The following ZNF385D variants were observed in gnomAD, a reference collection of about 807,000 sequenced individuals.
ZNF385D encodes zinc finger protein 659.
A neutral mutation model predicts 35.8 loss-of-function variants in ZNF385D; 15 were observed. The observed-to-expected ratio is 0.42, with a 90% CI of 0.28 to 0.64. The LOEUF (loss-of-function observed/expected upper bound fraction) is 0.64. Among genes scored for constraint, ZNF385D ranks in the 30% least tolerant of loss-of-function variants. The probability of loss-of-function intolerance (pLI) is 0.23; values close to 1 mark genes in which losing one functional copy is unlikely to be tolerated. For missense variants in ZNF385D, 474 were observed against 494.6 expected, an observed-to-expected ratio of 0.96 and a Z score of 0.39; for synonymous variants, 212 against 186.8, an observed-to-expected ratio of 1.13 and a Z score of -1.10.
intron 2 of ZNF385D, among the ~76,000 whole-genome samples, chr3:22,260,386 T>C (rs1316864731): frequency 1.3e-5 from 2 of 151,724 alleles, no homozygotes; most frequent in Non-Finnish European, 2.9e-5. Flanking sequence ...TTAGGACAAA[T>C]ACCTAATGCA....
At chr3:21,942,931 A>C (rs1280102542) in intron 3 of ZNF385D, among the ~76,000 whole-genome samples, 1 of 152,186 alleles carries the variant, frequency 6.6e-6, no homozygotes, top group African/African-American at 2.4e-5. Flanking sequence ...GTTATCACTT[A>C]TTTTGCCTTG....
intron 2 of ZNF385D, among the ~76,000 whole-genome samples, chr3:21,617,082 C>T (rs940137309): frequency 5.9e-5 from 9 of 152,252 alleles, no homozygotes; most frequent in Non-Finnish European, 1.0e-4. Flanking sequence ...TCCTCTCTGT[C>T]CTTGAAACCT....
At chr3:22,321,031 G>A (rs1027235693) in intron 2 of ZNF385D, among the ~76,000 whole-genome samples, 5 of 151,860 alleles carry the variant, frequency 3.3e-5, no homozygotes, top group African/African-American at 1.2e-4. Context: ...TATATGATTT[G>A]ATACATGCAA....
At chr3:22,209,316 A>T (rs1386877474) in intron 2 of ZNF385D, among the ~76,000 whole-genome samples, 2 of 151,878 alleles carry the variant, frequency 1.3e-5, no homozygotes, top group African/African-American at 4.8e-5. Flanking sequence ...ATAAGCTGTT[A>T]AAATAAACTT....
chr3:22,187,442 C>T (rs1302467976), intron 2 of ZNF385D, among the ~76,000 whole-genome samples: 1 of 151,868 alleles, frequency 6.6e-6, no homozygotes, highest in Non-Finnish European at 1.5e-5. Context: ...TGAAAACTTT[C>T]CTATGGTGAC....
chr3:22,003,817 A>C (rs964921031), intron 3 of ZNF385D, among the ~76,000 whole-genome samples: 3 of 152,044 alleles, frequency 2.0e-5, no homozygotes, highest in Non-Finnish European at 2.9e-5. Flanking sequence ...CAGTGAGCCA[A>C]GATTGCACCA....
At chr3:21,928,018 G>C (rs573545818) in intron 3 of ZNF385D, among the ~76,000 whole-genome samples, 4 of 152,186 alleles carry the variant, frequency 2.6e-5, no homozygotes, top group South Asian at 2.1e-4. Context: ...GAGCACAGGA[G>C]ATCAAGACCA....
At chr3:21,948,112 C>A in intron 3 of ZNF385D, among the ~76,000 whole-genome samples, 1 of 152,136 alleles carries the variant, frequency 6.6e-6, no homozygotes, top group East Asian at 1.9e-4. Context: ...CAATATCACA[C>A]TAATATAATT....
intron 4 of ZNF385D, among the ~76,000 whole-genome samples, chr3:21,470,641 G>A (rs181014161): frequency 1.2e-4 from 19 of 152,174 alleles, no homozygotes; most frequent in East Asian, 7.7e-4. Context: ...TTTTCCCAGC[G>A]TTTAGTCAGG....
At chr3:22,213,834 A>G (rs923808018) in intron 2 of ZNF385D, among the ~76,000 whole-genome samples, 1 of 152,094 alleles carries the variant, frequency 6.6e-6, no homozygotes, top group Non-Finnish European at 1.5e-5. Context: ...TTAAAATCCT[A>G]AGTCCCAAAT....
At chr3:22,117,694 A>G (rs1702882870) in intron 3 of ZNF385D, among the ~76,000 whole-genome samples, 1 of 152,064 alleles carries the variant, frequency 6.6e-6, no homozygotes, top group African/African-American at 2.4e-5. Flanking sequence ...GATCAACATT[A>G]CTGGTAATAT....
At chr3:21,444,773 T>G (rs1702059006) in intron 4 of ZNF385D, among the ~76,000 whole-genome samples, 1 of 151,514 alleles carries the variant, frequency 6.6e-6, no homozygotes, top group Non-Finnish European at 1.5e-5. Flanking sequence ...GAGGGCAATG[T>G]GAGAATGCTT....
chr3:22,169,141 A>C (rs1706522461), intron 2 of ZNF385D: 1 of 378,758 alleles, frequency 2.6e-6, no homozygotes, highest in East Asian at 1.6e-4. Flanking sequence ...ACAAGAATTA[A>C]AAATTTCTAT....
chr3:21,755,355 C>T (rs889249699), upstream of ZNF385D, among the ~76,000 whole-genome samples: 2 of 152,166 alleles, frequency 1.3e-5, no homozygotes, highest in African/African-American at 4.8e-5. Context: ...GTATTTTATC[C>T]ACCAAGGTCG....
chr3:21,902,822 T>C (rs1699478493), intron 3 of ZNF385D, among the ~76,000 whole-genome samples: 1 of 152,162 alleles, frequency 6.6e-6, no homozygotes, highest in Non-Finnish European at 1.5e-5. Context: ...ATTGTGTACA[T>C]GTACCCTAAA....
intron 2 of ZNF385D, among the ~76,000 whole-genome samples, chr3:22,360,498 G>A (rs1013128082): frequency 4.0e-5 from 6 of 151,708 alleles, no homozygotes; most frequent in Non-Finnish European, 8.8e-5. Flanking sequence ...ATATACTCGA[G>A]GATAATCATC....
intron 3 of ZNF385D, among the ~76,000 whole-genome samples, chr3:21,552,098 T>G (rs1486979146): frequency 1.3e-5 from 2 of 152,202 alleles, no homozygotes; most frequent in African/African-American, 4.8e-5. Context: ...AATTACAATG[T>G]TATTTTTCTA....
intron 2 of ZNF385D, among the ~76,000 whole-genome samples, chr3:22,235,268 A>C (rs904121077): frequency 6.6e-6 from 1 of 152,166 alleles, no homozygotes; most frequent in African/African-American, 2.4e-5. Flanking sequence ...TTGCCTTTAA[A>C]GAGTTTCATT....
chr3:21,940,635 A>G (rs1295996162), intron 3 of ZNF385D, among the ~76,000 whole-genome samples: 1 of 152,220 alleles, frequency 6.6e-6, no homozygotes, highest in Non-Finnish European at 1.5e-5. Context: ...GAGATAGACA[A>G]CAATCAGATT....
Sources: allele counts gnomAD v4.1 joint callset (sites outside exome capture counted in the v4.1 genomes callset), GRCh38; gene constraint gnomAD v4.1.1; transcripts MANE v1.5; gene names NCBI Gene and HGNC (gene_info 2026-07-23, HGNC 2026-07-21).